PTK2B: variants seen among roughly 807,000 people sequenced by gnomAD.
PTK2B encodes protein-tyrosine kinase 2-beta.
PTK2B carries 71 observed loss-of-function variants against 142.9 expected under a neutral mutation model. That is an observed-to-expected ratio of 0.50 (90% CI 0.41 to 0.61). The LOEUF (loss-of-function observed/expected upper bound fraction) is 0.61. PTK2B is among the 20% of genes least tolerant of loss of function. The pLI, the probability that PTK2B is intolerant of heterozygous loss-of-function variation, is 0.00. For missense variants in PTK2B, 1,105 were observed against 1,320.4 expected (o/e 0.84, Z 2.53); for synonymous variants, 519 against 503.4 (o/e 1.03, Z -0.42).
At chr8:27,339,345 G>A (rs1434363613) in intron 1 of PTK2B, among the ~76,000 whole-genome samples, 1 of 152,158 alleles carries the variant, frequency 6.6e-6, no homozygotes, top group Non-Finnish European at 1.5e-5. Flanking sequence ...TGGCCCTGGA[G>A]GTCTCTCCTT....
At chr8:27,428,308 T>C (rs1015841707) in intron 5 of PTK2B, among the ~76,000 whole-genome samples, 7 of 152,206 alleles carry the variant, frequency 4.6e-5, no homozygotes, top group Non-Finnish European at 1.0e-4. Context: ...TGTGGCCAGC[T>C]TCCTAACAGG....
At chr8:27,377,765 G>A (rs893967161) in intron 1 of PTK2B, among the ~76,000 whole-genome samples, 1 of 152,286 alleles carries the variant, frequency 6.6e-6, no homozygotes, top group East Asian at 1.9e-4. Context: ...TTCTAAACAG[G>A]TGGGCACATT....
chr8:27,365,184 C>T (rs1017767784), intron 1 of PTK2B, among the ~76,000 whole-genome samples: 1 of 152,212 alleles, frequency 6.6e-6, no homozygotes, highest in Non-Finnish European at 1.5e-5. Context: ...TTCATGTCCC[C>T]TTCGCTTGCG....
chr8:27,413,840 C>T (rs917324421), intron 2 of PTK2B, among the ~76,000 whole-genome samples: 1 of 152,190 alleles, frequency 6.6e-6, no homozygotes, highest in Non-Finnish European at 1.5e-5. Flanking sequence ...AGTTTGTTGC[C>T]AAATGGTGAC....
intron 2 of PTK2B, among the ~76,000 whole-genome samples, chr8:27,411,193 G>A (rs367760807): frequency 5.3e-5 from 8 of 152,122 alleles, no homozygotes; most frequent in African/African-American, 9.7e-5. Context: ...CAGTGGTAGC[G>A]GTCAGGGAGC....
At chr8:27,440,471 G>C in intron 21 of PTK2B, 30 bp downstream of exon 21, 17 of 1,605,058 alleles carry the variant, frequency 1.1e-5, no homozygotes, top group Non-Finnish European at 1.4e-5. Flanking sequence ...TGTGGGCTGG[G>C]GGCCCACCCG....
intron 3 of PTK2B, among the ~76,000 whole-genome samples, chr8:27,316,470 C>A (rs1431871691): frequency 6.6e-6 from 1 of 152,106 alleles, no homozygotes; most frequent in Non-Finnish European, 1.5e-5. Context: ...CACACTAATG[C>A]TAATAAAAAC....
At chr8:27,371,657 C>T (rs775130484) in intron 1 of PTK2B, among the ~76,000 whole-genome samples, 6 of 152,090 alleles carry the variant, frequency 3.9e-5, no homozygotes, top group Non-Finnish European at 8.8e-5. Context: ...AAGCAATTCT[C>T]CTGCCTCGGC....
chr8:27,438,027 C>A, intron 18 of PTK2B, 147 bp downstream of exon 18: 1 of 663,432 alleles, frequency 1.5e-6, no homozygotes, highest in South Asian at 1.8e-5. Flanking sequence ...ACTTGAGCAA[C>A]CTCTCTGACC....
chr8:27,404,274 G>A (rs1808569550), intron 2 of PTK2B, among the ~76,000 whole-genome samples: 1 of 152,140 alleles, frequency 6.6e-6, no homozygotes, highest in Non-Finnish European at 1.5e-5. Flanking sequence ...CCTATCACAA[G>A]ACCATCTTTT....
intron 5 of PTK2B, among the ~76,000 whole-genome samples, chr8:27,423,269 C>T (rs911194542): frequency 3.3e-5 from 5 of 152,306 alleles, no homozygotes; most frequent in South Asian, 2.1e-4. Context: ...GACCTGTGTT[C>T]TAGCCCTGTC....
intron 15 of PTK2B, 136 bp downstream of exon 15, chr8:27,436,484 C>T (rs1810785382): frequency 2.8e-6 from 2 of 708,654 alleles, no homozygotes; most frequent in Admixed American, 4.5e-5. Flanking sequence ...CTCTTGTCCA[C>T]TGGGCATGGT....
At chr8:27,365,171 A>G (rs1265932922) in intron 1 of PTK2B, among the ~76,000 whole-genome samples, 1 of 152,228 alleles carries the variant, frequency 6.6e-6, no homozygotes, top group Non-Finnish European at 1.5e-5. Flanking sequence ...CCCCAGACAT[A>G]ATTTCATGTC....
upstream of PTK2B, among the ~76,000 whole-genome samples, chr8:27,321,052 TG>T (rs1429311887): frequency 7.5e-6 from 1 of 133,402 alleles, no homozygotes; most frequent in Non-Finnish European, 1.6e-5. Flanking sequence ...ATTCATCCAC[TG>T]GTGCAATCAT....
intron 1 of PTK2B, among the ~76,000 whole-genome samples, chr8:27,352,850 A>G (rs962160915): frequency 3.9e-5 from 6 of 152,234 alleles, no homozygotes; most frequent in African/African-American, 1.2e-4. Context: ...TGTAAGTTCA[A>G]TTAAACCCCT....
chr8:27,410,359 G>GC (rs33917883), intron 2 of PTK2B, among the ~76,000 whole-genome samples: 124,751 of 152,128 alleles, frequency 0.82, 51,661 homozygotes, highest in Middle Eastern at 0.95. Flanking sequence ...GAGCCTTAGA[G>GC]CCAGAAGAGC....
At position 27,453,090 on chromosome 8, in the gene PTK2B, C is replaced by A. The variant is rs781042187; in HGVS notation, c.2549-24C>A. ...GGTTGGAGTGCTGAGAACTGCCCCC[C>A]ACTTGCTGTTCTTTTTATTGCAGTG... is the stretch of plus-strand genomic sequence containing the variant. On this transcript the variant is annotated intron_variant, in intron 27 of 30. Transcript: ENST00000346049. 4 of 1,613,534 alleles carry A rather than the reference C, an allele frequency of 2.5e-6. No homozygotes were observed. In the South Asian group the frequency reaches 4.4e-5, roughly 18 times the overall value.
At chr8:27,409,586 C>A (rs751931971) in intron 2 of PTK2B, among the ~76,000 whole-genome samples, 2 of 152,146 alleles carry the variant, frequency 1.3e-5, no homozygotes, top group Admixed American at 1.3e-4. Context: ...GGGAGATTTA[C>A]GCCTTGTGTT....
At chr8:27,382,767 A>G (rs1158222487) in intron 1 of PTK2B, among the ~76,000 whole-genome samples, 1 of 152,128 alleles carries the variant, frequency 6.6e-6, no homozygotes, top group Admixed American at 6.5e-5. Context: ...ATTCTTCTGC[A>G]TATGGTTATT....
Sources: allele counts gnomAD v4.1 joint callset (sites outside exome capture counted in the v4.1 genomes callset), GRCh38; gene constraint gnomAD v4.1.1; transcripts MANE v1.5; gene names NCBI Gene and HGNC (gene_info 2026-07-23, HGNC 2026-07-21).